The following SSH1 variants were observed in gnomAD, a reference collection of about 807,000 sequenced individuals.
SSH1 encodes the protein protein phosphatase Slingshot homolog 1.
SSH1 carries 43 observed loss-of-function variants against 79.7 expected under a neutral mutation model. That is an observed-to-expected ratio of 0.54 (90% CI 0.42 to 0.70). The LOEUF (loss-of-function observed/expected upper bound fraction) is 0.70. Ranked by LOEUF, SSH1 falls within the 30% of genes least tolerant of loss-of-function variation. The pLI is 0.00. For synonymous variants in SSH1, 599 were observed against 538.3 expected, an observed-to-expected ratio of 1.11 and a Z score of -1.56; for missense variants, 1,206 against 1,358.8, an observed-to-expected ratio of 0.89 and a Z score of 1.77.
intron 5 of SSH1, among the ~76,000 whole-genome samples, chr12:108,815,914 G>A (rs1451306945): frequency 2.0e-5 from 3 of 152,132 alleles, no homozygotes; most frequent in South Asian, 4.1e-4. Flanking sequence ...AGTCTCAGTC[G>A]CTAGCATGTG....
chr12:108,815,091 G>A (rs999025869), intron 5 of SSH1, among the ~76,000 whole-genome samples: 2 of 152,194 alleles, frequency 1.3e-5, no homozygotes, highest in Admixed American at 6.5e-5. Context: ...GTGAATGAAT[G>A]AGCAAGGTGG....
rs372935106 is a variant in SSH1, at chr12:108,806,360, T to C, written c.766A>G (p.Lys256Glu). The part of the protein sequence containing the change: ...TEGERTERLI[K>E]AKLRSIMMSQ... ...ATCATGATGCTTCGGAGCTTGGCTT[T>C]GATGAGGCGCTCGGTCCTTTCCCCT... The change falls in exon 9 of 15, where the codon AAA (lysine) becomes GAA (glutamate). Residue 256 changes from lysine (K) to glutamate (E), a missense_variant. This residue lies in a region of SSH1 where 116 missense variants were observed against 109.0 expected (regional missense o/e 1.06). Transcript: ENST00000326495. 8 of 1,614,080 alleles carry C rather than the reference T, an allele frequency of 5.0e-6. No homozygotes were observed. In the African/African-American group the frequency reaches 1.1e-4, roughly 22 times the overall value.
Position 108,781,173 on chromosome 12 carries a change from C to A in SSH1, c.*6815G>T, listed in dbSNP as rs996605681. 2.0e-5 allele frequency: 3 copies of A among 152,016 alleles called. No homozygotes were observed. The highest frequency in any genetic ancestry group is 7.3e-5 in the African/African-American group (3 of 41,374). The allele number at this position is 152,016 out of a possible 1,614,324, so 9.4% of individuals were successfully genotyped here. Reference sequence around the variant, plus strand: ...GTGGCTCATGCCTATAATCTCAACACTTTGGGAGGCTGAGGCAGGAGGATC... The same window carrying A: ...GTGGCTCATGCCTATAATCTCAACAATTTGGGAGGCTGAGGCAGGAGGATC... On this transcript the variant is annotated 3_prime_UTR_variant, in exon 15 of 15. Coordinates refer to ENST00000326495, the MANE Select transcript of SSH1 (RefSeq NM_018984.4).
intron 12 of SSH1, among the ~76,000 whole-genome samples, chr12:108,800,006 G>A (rs930579973): frequency 1.4e-4 from 22 of 152,320 alleles, no homozygotes; most frequent in African/African-American, 5.3e-4. Context: ...AATCTCAGTG[G>A]GGTTTTTTCC....
Position 108,788,969 on chromosome 12 carries a change from T to C in SSH1, c.2169A>G (p.Ala723=). ...CTCCAGCCCCAGGGCCACTGGTGTCTGCCCTCCTGGAGCCTGCTGGTGGTA... is the reference window on the plus strand; with the variant it reads ...CTCCAGCCCCAGGGCCACTGGTGTCCGCCCTCCTGGAGCCTGCTGGTGGTA... The part of the protein sequence containing the change: ...PFLPPAGSRR[A]DTSGPGAGAA... Residue 723 remains alanine, a synonymous_variant, in exon 15 of 15, where the codon GCA becomes GCG. Coordinates refer to ENST00000326495, the MANE Select transcript of SSH1 (RefSeq NM_018984.4). 6.2e-7 allele frequency: 1 copy of C among 1,613,348 alleles called. No homozygotes were observed. Among genetic ancestry groups the C allele is most frequent in the Middle Eastern group, 1.7e-4 (1 of 6,054 alleles).
Position 108,857,357 on chromosome 12 carries a change from C to T in SSH1, c.69+71G>A, listed in dbSNP as rs2039165299. ...CAGCCGCCCCCCTGCCCCGCACGCG[C>T]GGCCCCAGCTCCGGCGGCCTCGGCG... On this transcript the variant is annotated intron_variant, in intron 1 of 14. Coordinates refer to ENST00000326495, the MANE Select transcript of SSH1 (RefSeq NM_018984.4). The surrounding 1 kb of genome is among the most constrained non-coding windows in gnomAD (Gnocchi z 4.7). 4 of 903,994 alleles carry T rather than the reference C, an allele frequency of 4.4e-6. No homozygotes were observed. The highest frequency in any genetic ancestry group is 1.8e-5 in the African/African-American group (1 of 55,342). 56.0% of individuals were successfully genotyped at this position (903,994 alleles called of 1,614,324 possible). A position where few individuals can be genotyped will look rare whatever the true frequency, so the allele number is the denominator to read the frequency against.
intron 2 of SSH1, among the ~76,000 whole-genome samples, chr12:108,840,916 C>G (rs2038761344): frequency 6.6e-6 from 1 of 152,164 alleles, no homozygotes; most frequent in African/African-American, 2.4e-5. Flanking sequence ...CAGCTAGACC[C>G]CCATAAGCGC....
At chr12:108,791,980 A>C in intron 14 of SSH1, 1 of 1,317,172 alleles carries the variant, frequency 7.6e-7, no homozygotes, top group South Asian at 2.9e-5. Flanking sequence ...TTGAGTTGGA[A>C]GCCCTGCCCA....
chr12:108,798,562 C>T (rs2036849727), intron 13 of SSH1, among the ~76,000 whole-genome samples: 1 of 95,250 alleles, frequency 1.0e-5, no homozygotes. Flanking sequence ...ATGGGCTTGC[C>T]CTGACTTGCC....
intron 2 of SSH1, among the ~76,000 whole-genome samples, chr12:108,850,398 G>T (rs570598413): frequency 1.7e-3 from 35 of 21,164 alleles, no homozygotes; most frequent in African/African-American, 7.5e-3. Flanking sequence ...GAGGGGAGAT[G>T]GGGGAGGGGA....
intron 2 of SSH1, among the ~76,000 whole-genome samples, chr12:108,835,817 A>C (rs903548447): frequency 6.8e-6 from 1 of 147,576 alleles, no homozygotes; most frequent in African/African-American, 2.5e-5. Flanking sequence ...ATTAAACATT[A>C]ATGTTAATAT....
Position 108,809,698 on chromosome 12 carries a change from G to A in SSH1, c.531C>T (p.Ala177=), listed in dbSNP as rs2037478147. The part of the protein sequence containing the change: ...MHIFKPVSVQ[A]MWSALQVLHK... ...GTCCCTAAAACCACACTTACCACAT[G>A]GCCTGGACAGACACAGGCTTAAATA... The change falls in exon 7 of 15, where the codon GCC becomes GCT. Residue 177 remains alanine, a synonymous_variant. Transcript: ENST00000326495. The A allele has an allele frequency of 6.2e-7, 1 of 1,613,646 alleles. No homozygotes were observed. Among genetic ancestry groups the A allele is most frequent in the African/African-American group, 1.3e-5 (1 of 74,994 alleles).
intron 5 of SSH1, among the ~76,000 whole-genome samples, chr12:108,813,417 C>T (rs964742314): frequency 9.2e-5 from 14 of 151,844 alleles, no homozygotes; most frequent in Admixed American, 2.0e-4. Context: ...CAATCCGAAT[C>T]GAAAACATAA....
intron 2 of SSH1, among the ~76,000 whole-genome samples, chr12:108,849,631 T>A (rs2038972983): frequency 6.6e-6 from 1 of 151,820 alleles, no homozygotes; most frequent in South Asian, 2.1e-4. Context: ...AATTTTCATG[T>A]CACTGCTATT....
chr12:108,830,956 C>T (rs1272720826), intron 2 of SSH1, among the ~76,000 whole-genome samples: 1 of 151,964 alleles, frequency 6.6e-6, no homozygotes, highest in East Asian at 1.9e-4. Flanking sequence ...CAGATCAGAC[C>T]TTTGACAAAC....
At position 108,807,688 on chromosome 12, in the gene SSH1, C is replaced by A; in HGVS notation, c.676G>T (p.Ala226Ser). The A allele has an allele frequency of 1.9e-6, 3 of 1,613,284 alleles. No homozygotes were observed. Among genetic ancestry groups the A allele is most frequent in the Admixed American group, 1.7e-5 (1 of 59,988 alleles). The change falls in exon 8 of 15, where the codon GCC becomes TCC. Residue 226 changes from alanine (A) to serine (S), a missense_variant. By Grantham distance (99) the Ala-to-Ser change is moderately conservative. This residue lies in a region of SSH1 where 116 missense variants were observed against 109.0 expected (regional missense o/e 1.06). Transcript: ENST00000326495. This position sits in a 1 kb window ranked among gnomAD's most constrained non-coding sequence, Gnocchi z 5.2. ...CGCGTAGACTCCAGGTCCTGCATGG[C>A]GTTCCACTCGTTGATGCAGCTCTGC... is the stretch of plus-strand genomic sequence containing the variant. ...SEQSCINEWN[A>S]MQDLESTRPD...
chr12:108,831,645 C>G (rs1430634408), intron 2 of SSH1, among the ~76,000 whole-genome samples: 1 of 152,030 alleles, frequency 6.6e-6, no homozygotes, highest in African/African-American at 2.4e-5. Flanking sequence ...AGAAATGAAG[C>G]CTGCGAGGCC....
Position 108,779,666 on chromosome 12 carries a change from C to T in SSH1, c.*8322G>A, listed in dbSNP as rs1436671114. 2.0e-5 allele frequency: 3 copies of T among 151,898 alleles called. No individual in the cohort carries two copies. The highest frequency in any genetic ancestry group is 2.9e-5 in the Non-Finnish European group (2 of 67,950). 9.4% of individuals were successfully genotyped at this position (151,898 alleles called of 1,614,324 possible). A position where few individuals can be genotyped will look rare whatever the true frequency, so the allele number is the denominator to read the frequency against. Reference sequence around the variant, plus strand: ...AAGTTAGAAAAAGGACTCTCCTCTACCTTTTTTTTTCTTTTTTTTGTTTTT... The same window carrying T: ...AAGTTAGAAAAAGGACTCTCCTCTATCTTTTTTTTTCTTTTTTTTGTTTTT... On this transcript the variant is annotated 3_prime_UTR_variant, in exon 15 of 15. Transcript: ENST00000326495.
At chr12:108,824,743 AC>A (rs1477868236) in intron 2 of SSH1, among the ~76,000 whole-genome samples, 1 of 152,120 alleles carries the variant, frequency 6.6e-6, no homozygotes, top group South Asian at 2.1e-4. Flanking sequence ...ACGTTGTGAG[AC>A]CCCGTCGTAC....
Sources: gnomAD v4.1 joint callset for allele counts (sites outside exome capture counted in the v4.1 genomes callset) on GRCh38, gnomAD v4.1.1 for gene constraint, gnomAD v4.1.1 regional missense constraint, Gnocchi (gnomAD v3.1) non-coding constraint, MANE v1.5 for transcripts, NCBI Gene and HGNC (gene_info 2026-07-23, HGNC 2026-07-21) for gene names.